C8orf34: variants seen among roughly 807,000 people sequenced by gnomAD.
The protein encoded by C8orf34 is chromosome 8 open reading frame 34.
Under a neutral mutation model 68.3 loss-of-function variants are expected in C8orf34, and 65 were observed. The ratio of observed to expected loss-of-function variants is 0.95; its 90% confidence interval spans 0.78 to 1.17. The LOEUF (loss-of-function observed/expected upper bound fraction) is 1.17, where lower values mean the gene tolerates loss of function less well. Ranked by LOEUF, C8orf34 falls within the 50% of genes most tolerant of loss-of-function variation. The pLI is 0.00. For missense variants in C8orf34, 664 were observed against 655.4 expected, an observed-to-expected ratio of 1.01 and a Z score of -0.14; for synonymous variants, 244 against 241.2, an observed-to-expected ratio of 1.01 and a Z score of -0.11.
At chr8:68,622,034 G>A (rs949578846) in intron 7 of C8orf34, among the ~76,000 whole-genome samples, 1 of 152,202 alleles carries the variant, frequency 6.6e-6, no homozygotes, top group Non-Finnish European at 1.5e-5. Flanking sequence ...CTCAGCTGGG[G>A]AAGGATCTGT....
Position 68,459,486 on chromosome 8 carries a change from C to T in C8orf34, c.608-9206C>T, listed in dbSNP as rs577458783. ...GACCTCGTGATCCACCCTCCTTGGCCTCCCAAAGTGTTGGGATTACAGGCG... is the reference window on the plus strand; with the variant it reads ...GACCTCGTGATCCACCCTCCTTGGCTTCCCAAAGTGTTGGGATTACAGGCG... On this transcript the variant is annotated intron_variant, in intron 3 of 13. Coordinates refer to ENST00000518698, the MANE Select transcript of C8orf34 (RefSeq NM_052958.4). Among the ~76,000 whole-genome samples the T allele has an allele frequency of 1.1e-4, 17 of 152,272 alleles. No individual in the cohort carries two copies. In the South Asian group the frequency reaches 3.3e-3, roughly 30 times the overall value.
chr8:68,553,056 T>C (rs1001883795), intron 7 of C8orf34, among the ~76,000 whole-genome samples: 50 of 152,084 alleles, frequency 3.3e-4, no homozygotes, highest in African/African-American at 1.2e-4. Context: ...TTTGGAATTA[T>C]GTAAAACTGG....
intron 10 of C8orf34, among the ~76,000 whole-genome samples, chr8:68,764,249 G>T (rs1823105797): frequency 1.3e-5 from 2 of 152,182 alleles, no homozygotes; most frequent in Non-Finnish European, 1.5e-5. Flanking sequence ...CCAAATTCTG[G>T]TGCAGAACTT....
intron 5 of C8orf34, among the ~76,000 whole-genome samples, chr8:68,492,588 C>A (rs1032483487): frequency 2.0e-5 from 3 of 152,044 alleles, no homozygotes; most frequent in African/African-American, 4.8e-5. Flanking sequence ...ATCTCTTATG[C>A]TTGATTTCCT....
intron 8 of C8orf34, among the ~76,000 whole-genome samples, chr8:68,701,330 T>C (rs781215803): frequency 2.6e-5 from 4 of 152,098 alleles, no homozygotes; most frequent in Non-Finnish European, 5.9e-5. Flanking sequence ...ATTATCTTCA[T>C]TGCGATTCTA....
intron 1 of C8orf34, among the ~76,000 whole-genome samples, chr8:68,333,503 T>C (rs1241077531): frequency 6.6e-6 from 1 of 152,222 alleles, no homozygotes; most frequent in African/African-American, 2.4e-5. Flanking sequence ...ATTTTGATCA[T>C]GATAGAGCTT....
chr8:68,462,131 G>A (rs1342010136), intron 3 of C8orf34, among the ~76,000 whole-genome samples: 1 of 151,784 alleles, frequency 6.6e-6, no homozygotes, highest in African/African-American at 2.4e-5. Context: ...AAAAGGCAGG[G>A]GTTGCAATCC....
At chr8:68,596,247 C>T (rs181355036) in intron 7 of C8orf34, among the ~76,000 whole-genome samples, 56 of 152,146 alleles carry the variant, frequency 3.7e-4, no homozygotes, top group African/African-American at 7.7e-4. Context: ...GAACCTCTGG[C>T]GGAGTAATGT....
At chr8:68,745,261 T>C (rs990057630) in intron 10 of C8orf34, among the ~76,000 whole-genome samples, 1 of 152,022 alleles carries the variant, frequency 6.6e-6, no homozygotes, top group African/African-American at 2.4e-5. Context: ...GAACAACTGG[T>C]GCCAGCCGCT....
intron 8 of C8orf34, among the ~76,000 whole-genome samples, chr8:68,663,867 T>C (rs1819758667): frequency 6.6e-6 from 1 of 152,166 alleles, no homozygotes; most frequent in Non-Finnish European, 1.5e-5. Context: ...CACTGCAAAA[T>C]AGACAATAAG....
chr8:68,382,701 C>T (rs374465694), intron 1 of C8orf34, among the ~76,000 whole-genome samples: 1 of 152,150 alleles, frequency 6.6e-6, no homozygotes, highest in East Asian at 1.9e-4. Context: ...CCCTTAGGAA[C>T]TCCTCCACCT....
At chr8:68,765,707 A>G (rs1823152257) in intron 10 of C8orf34, among the ~76,000 whole-genome samples, 1 of 152,214 alleles carries the variant, frequency 6.6e-6, no homozygotes, top group South Asian at 2.1e-4. Flanking sequence ...TTTATGACAG[A>G]CTAGATGATG....
At chr8:68,608,715 G>A (rs1817927277) in intron 7 of C8orf34, among the ~76,000 whole-genome samples, 1 of 151,940 alleles carries the variant, frequency 6.6e-6, no homozygotes, top group African/African-American at 2.4e-5. Flanking sequence ...CATATACCTT[G>A]GATCATGTGG....
intron 1 of C8orf34, among the ~76,000 whole-genome samples, chr8:68,351,517 G>A (rs954074142): frequency 1.3e-5 from 2 of 152,030 alleles, no homozygotes; most frequent in African/African-American, 4.8e-5. Context: ...TAGCAAAGTT[G>A]TGGAAGTTTT....
chr8:68,484,109 T>C (rs1812975212), intron 4 of C8orf34, among the ~76,000 whole-genome samples: 1 of 152,212 alleles, frequency 6.6e-6, no homozygotes, highest in Non-Finnish European at 1.5e-5. Context: ...CTTACAATCA[T>C]GGCACAAGGC....
At chr8:68,387,713 G>A (rs1808318400) in intron 1 of C8orf34, among the ~76,000 whole-genome samples, 1 of 152,116 alleles carries the variant, frequency 6.6e-6, no homozygotes, top group South Asian at 2.1e-4. Flanking sequence ...CTTAATGTTT[G>A]TGCAGAGCCA....
intron 12 of C8orf34, among the ~76,000 whole-genome samples, chr8:68,802,486 A>G (rs1435650658): frequency 6.6e-6 from 1 of 152,164 alleles, no homozygotes; most frequent in African/African-American, 2.4e-5. Flanking sequence ...TACAGTTCAT[A>G]TGCCATTTAA....
chr8:68,531,652 G>T (rs1815251428), intron 6 of C8orf34, among the ~76,000 whole-genome samples: 1 of 152,098 alleles, frequency 6.6e-6, no homozygotes, highest in Non-Finnish European at 1.5e-5. Context: ...CCAGTGTAAA[G>T]GTATCAGTTG....
In C8orf34 at chr8:68,430,008, C is replaced by G. The variant is rs1450257956; in HGVS notation, c.328-9491C>G. Among the ~76,000 whole-genome samples the G allele has an allele frequency of 3.9e-5, 6 of 152,176 alleles. No individual in the cohort carries two copies. The East Asian group carries it at 1.2e-3, about 30-fold the overall frequency. ...GTGACTTGTCAGGCCTCTAGATAGC[C>G]TCAGGTGGAGGGCTGCTTGCCAGAC... is the stretch of plus-strand genomic sequence containing the variant. On this transcript the variant is annotated intron_variant, in intron 1 of 13. Transcript: ENST00000518698.
Sources: allele counts gnomAD v4.1 joint callset (sites outside exome capture counted in the v4.1 genomes callset), GRCh38; gene constraint gnomAD v4.1.1; transcripts MANE v1.5; gene names NCBI Gene and HGNC (gene_info 2026-07-23, HGNC 2026-07-21).